The following RBFOX1 variants were observed in gnomAD, a reference collection of about 807,000 sequenced individuals.
RBFOX1 encodes the protein RNA binding protein fox-1 homolog 1.
In RBFOX1, 8 loss-of-function variants were observed where a neutral mutation model predicts 57.7. The ratio of observed to expected loss-of-function variants is 0.14; its 90% CI spans 0.08 to 0.25. RBFOX1 has a LOEUF of 0.25. Among genes scored for constraint, RBFOX1 ranks in the 10% least tolerant of loss-of-function variants. The probability of loss-of-function intolerance (pLI) is 1.00; values close to 1 mark genes in which losing one functional copy is unlikely to be tolerated. For missense variants in RBFOX1, 611 were observed against 548.5 expected, an observed-to-expected ratio of 1.11 and a Z score of -1.14; for synonymous variants, 326 against 222.4, an observed-to-expected ratio of 1.47 and a Z score of -4.15.
intron 14 of RBFOX1, among the ~76,000 whole-genome samples, chr16:7,677,443 A>G (rs956283576): frequency 1.3e-5 from 2 of 152,136 alleles, no homozygotes; most frequent in Admixed American, 6.6e-5. Context: ...TGTACACCAC[A>G]TGTTAAGGCA....
At chr16:5,513,207 C>G (rs776159759) in intron 2 of RBFOX1, among the ~76,000 whole-genome samples, 1 of 152,130 alleles carries the variant, frequency 6.6e-6, no homozygotes. Context: ...CCAAGGTACC[C>G]GGCTACTTTC....
intron 3 of RBFOX1, among the ~76,000 whole-genome samples, chr16:6,787,917 A>G (rs148927631): frequency 0.011 from 1,679 of 152,284 alleles, 36 homozygotes; most frequent in African/African-American, 0.039. Context: ...TGTCATTACT[A>G]AACAGCTGGT....
intron 11 of RBFOX1, among the ~76,000 whole-genome samples, chr16:7,643,784 A>G (rs992866893): frequency 2.0e-5 from 3 of 152,172 alleles, no homozygotes; most frequent in East Asian, 1.9e-4. Flanking sequence ...CCGGCATCCA[A>G]TTAGCAGAAA....
At chr16:6,026,902 G>T (rs529887127) in intron 1 of RBFOX1, among the ~76,000 whole-genome samples, 11 of 152,320 alleles carry the variant, frequency 7.2e-5, no homozygotes, top group Non-Finnish European at 1.0e-4. Context: ...TGCTCTGATA[G>T]CCACTCAAAA....
chr16:7,555,536 A>AT (rs1189731518), intron 5 of RBFOX1, among the ~76,000 whole-genome samples: 1 of 152,226 alleles, frequency 6.6e-6, no homozygotes, highest in African/African-American at 2.4e-5. Flanking sequence ...GTTAAAAAAG[A>AT]TTTTTTGTTT....
chr16:5,306,706 A>G (rs2063944750), intron 1 of RBFOX1, among the ~76,000 whole-genome samples: 1 of 152,142 alleles, frequency 6.6e-6, no homozygotes, highest in South Asian at 2.1e-4. Context: ...CTTCCGAGAG[A>G]GCACGCCCAT....
In RBFOX1 at chr16:7,049,695, C is replaced by G. The variant is rs530323711; in HGVS notation, c.-15-2362C>G. Among the ~76,000 whole-genome samples the G allele has an allele frequency of 1.7e-4, 26 of 152,174 alleles. No homozygotes were observed. In the East Asian group the frequency reaches 4.7e-3, roughly 27 times the overall value. ...AATTTTGGTCGTTTTGTTCCCCCCT[C>G]CACTTGCTGCTTTTTAATTTTCAGA... On this transcript the variant is annotated intron_variant, in intron 3 of 15. Coordinates refer to ENST00000550418, the MANE Select transcript of RBFOX1 (RefSeq NM_018723.4).
intron 2 of RBFOX1, among the ~76,000 whole-genome samples, chr16:6,494,004 C>G (rs1459387723): frequency 3.3e-5 from 5 of 152,162 alleles, no homozygotes; most frequent in Non-Finnish European, 5.9e-5. Context: ...GGCGATCATT[C>G]CAGTGTATTG....
chr16:6,652,259 GC>G lies in RBFOX1; in HGVS notation c.-63-2342del, dbSNP rs1342462924. On this transcript the variant is annotated intron_variant, in intron 2 of 15. Coordinates refer to ENST00000550418, the MANE Select transcript of RBFOX1 (RefSeq NM_018723.4). ...AGGTCAAGAGATCGAGAGCATCCTG[GC>G]CAATATGGTGAAATCCCATCTCTAC... Among the ~76,000 whole-genome samples the G allele has an allele frequency of 2.0e-5, 3 of 152,208 alleles. No individual in the cohort carries two copies. In the East Asian group the frequency reaches 5.8e-4, roughly 29 times the overall value.
chr16:7,615,875 T>C (rs1053900851), intron 10 of RBFOX1, among the ~76,000 whole-genome samples: 2 of 152,226 alleles, frequency 1.3e-5, no homozygotes, highest in East Asian at 3.8e-4. Context: ...TGAGAAATTC[T>C]GTCCTCATTG....
At chr16:6,299,194 G>C (rs1218243524) in intron 1 of RBFOX1, among the ~76,000 whole-genome samples, 6 of 152,142 alleles carry the variant, frequency 3.9e-5, no homozygotes, top group Admixed American at 6.5e-5. Context: ...GCAAGTGTCC[G>C]ATGCAGGGGC....
At chr16:7,705,403 G>T (rs2082111087) in intron 14 of RBFOX1, among the ~76,000 whole-genome samples, 1 of 152,140 alleles carries the variant, frequency 6.6e-6, no homozygotes, top group African/African-American at 2.4e-5. Flanking sequence ...TATTCGGGAG[G>T]CTGAGGCAGG....
At chr16:6,047,530 T>C (rs1314564830) in intron 1 of RBFOX1, among the ~76,000 whole-genome samples, 1 of 152,218 alleles carries the variant, frequency 6.6e-6, no homozygotes, top group Non-Finnish European at 1.5e-5. Flanking sequence ...TGCCTGGCTG[T>C]CTTCCATCTG....
At position 5,645,313 on chromosome 16, in the gene RBFOX1, A is replaced by G. The variant is rs535973792; in HGVS notation, c.318+46352A>G. 9.9e-5 allele frequency among the ~76,000 whole-genome samples: 15 copies of G among 152,226 alleles called. No homozygotes were observed. The South Asian group carries it at 3.1e-3, about 32-fold the overall frequency. ...ATGCTGAGTGAAAGAAGCTGCACACAAAAGGCCACATATTGTATGATTCCA... is the reference window on the plus strand; with the variant it reads ...ATGCTGAGTGAAAGAAGCTGCACACGAAAGGCCACATATTGTATGATTCCA... On this transcript the variant is annotated intron_variant, in intron 3 of 19. Transcript: ENST00000641259.
At chr16:5,332,960 C>T (rs1299705287) in intron 1 of RBFOX1, among the ~76,000 whole-genome samples, 1 of 152,002 alleles carries the variant, frequency 6.6e-6, no homozygotes, top group African/African-American at 2.4e-5. Flanking sequence ...CCAAGGTGGG[C>T]GGATCACCTG....
Position 7,028,861 on chromosome 16 carries a change from G to T in RBFOX1, c.-15-23196G>T, listed in dbSNP as rs77312342. Reference sequence around the variant, plus strand: ...ATGAGAAAAGGTGTGGGCATCGCTTGGATCTGAGTGGGAATCCAAGCTCTG... The same window carrying T: ...ATGAGAAAAGGTGTGGGCATCGCTTTGATCTGAGTGGGAATCCAAGCTCTG... On this transcript the variant is annotated intron_variant, in intron 3 of 15. Transcript: ENST00000550418. Among the ~76,000 whole-genome samples, 1,246 of 150,724 alleles carry T rather than the reference G, an allele frequency of 8.3e-3. 16 individuals carry two copies. The highest frequency in any genetic ancestry group is 0.028 in the African/African-American group (1,166 of 41,072).
intron 3 of RBFOX1, among the ~76,000 whole-genome samples, chr16:6,694,960 C>G (rs139378553): frequency 6.6e-6 from 1 of 151,892 alleles, no homozygotes; most frequent in Non-Finnish European, 1.5e-5. Context: ...TAGTTCAGTA[C>G]CACAGGTGTC....
chr16:7,563,494 G>C (rs574172582), intron 5 of RBFOX1, among the ~76,000 whole-genome samples: 1 of 152,078 alleles, frequency 6.6e-6, no homozygotes. Context: ...TTCAAACAAA[G>C]TCTTACACTG....
intron 4 of RBFOX1, among the ~76,000 whole-genome samples, chr16:7,482,507 A>G (rs1382197579): frequency 1.3e-5 from 2 of 148,316 alleles, no homozygotes; most frequent in African/African-American, 2.5e-5. Context: ...TCTTAAATCA[A>G]GAGTTTGCAT....
Sources: gnomAD v4.1 joint callset for allele counts (sites outside exome capture counted in the v4.1 genomes callset) on GRCh38, gnomAD v4.1.1 for gene constraint, MANE v1.5 for transcripts, NCBI Gene and HGNC (gene_info 2026-07-23, HGNC 2026-07-21) for gene names.